The following SNED1 variants were observed in gnomAD, a reference collection of about 807,000 sequenced individuals.
The protein encoded by SNED1 is sushi, nidogen and EGF like domains 1.
Under a neutral mutation model 166.7 loss-of-function variants are expected in SNED1, and 81 were observed. The observed-to-expected ratio is 0.49, with a 90% confidence interval of 0.41 to 0.58. The LOEUF is 0.58. Ranked by LOEUF, SNED1 falls within the 20% of genes least tolerant of loss-of-function variation. SNED1 has a pLI of 0.00. For missense variants in SNED1, 1,604 were observed against 2,000.2 expected (o/e 0.80, Z 3.78); for synonymous variants, 762 against 822.0 (o/e 0.93, Z 1.25).
chr2:241,061,722 T>C (rs1422774208), intron 16 of SNED1, among the ~76,000 whole-genome samples: 1 of 151,720 alleles, frequency 6.6e-6, no homozygotes, highest in African/African-American at 2.4e-5. Flanking sequence ...CCATCTCTAC[T>C]AAAAATACAA....
intron 1 of SNED1, among the ~76,000 whole-genome samples, chr2:241,024,862 C>T (rs2060905225): frequency 6.6e-6 from 1 of 151,874 alleles, no homozygotes; most frequent in African/African-American, 2.4e-5. Flanking sequence ...TTAGTAGAGA[C>T]TGGGTTTCAC....
chr2:241,040,221 T>C, intron 7 of SNED1, 33 bp downstream of exon 7: 1 of 1,571,752 alleles, frequency 6.4e-7, no homozygotes, highest in Non-Finnish European at 8.6e-7. Context: ...GGAGAGGGGC[T>C]CCTGCCCGTG....
chr2:241,092,075 C>A lies in SNED1; in HGVS notation c.*439C>A, dbSNP rs1318490537. 5 of 152,326 alleles carry A rather than the reference C, an allele frequency of 3.3e-5. No individual in the cohort carries two copies. The highest frequency in any genetic ancestry group is 3.3e-4 in the Admixed American group (5 of 15,288). 9.4% of individuals were successfully genotyped at this position (152,326 alleles called of 1,614,324 possible). A position where few individuals can be genotyped will look rare whatever the true frequency, so the allele number is the denominator to read the frequency against. On this transcript the variant is annotated 3_prime_UTR_variant, in exon 32 of 32. Coordinates refer to ENST00000310397, the MANE Select transcript of SNED1 (RefSeq NM_001080437.3). This position sits in a 1 kb window ranked among gnomAD's most constrained non-coding sequence, Gnocchi z 4.6. ...CGAGGCCCAACAAATTGAGAAGGAACTGTGATGGACCACTTCCAAAACAGA... is the reference window on the plus strand; with the variant it reads ...CGAGGCCCAACAAATTGAGAAGGAAATGTGATGGACCACTTCCAAAACAGA...
chr2:241,012,898 T>C (rs2060460063), intron 1 of SNED1, among the ~76,000 whole-genome samples: 1 of 151,088 alleles, frequency 6.6e-6, no homozygotes, highest in African/African-American at 2.4e-5. Flanking sequence ...TGCAGTGACG[T>C]GATCTCAGCT....
chr2:241,056,580 A>ATTTTTTTTTTTTTTTTTTTTTTT (rs1172411061), intron 16 of SNED1, among the ~76,000 whole-genome samples: 1 of 111,224 alleles, frequency 9.0e-6, no homozygotes, highest in Non-Finnish European at 1.7e-5. Context: ...AATAAGTGAA[A>ATTTTTTTTTTTTTTTTTTTTTTT]TTTTTTTTTT....
chr2:241,060,471 C>G (rs1183070665), intron 16 of SNED1, among the ~76,000 whole-genome samples: 1 of 152,178 alleles, frequency 6.6e-6, no homozygotes, highest in African/African-American at 2.4e-5. Context: ...CGCGAGCCAC[C>G]ATGCCCGTCC....
rs1405872136 is a variant in SNED1 at position 241,075,025 on chromosome 2, T to C, written c.3916+1661T>C. 6.6e-6 allele frequency: 1 copy of C among 152,246 alleles called. No homozygotes were observed. The highest frequency in any genetic ancestry group is 1.5e-5 in the Non-Finnish European group (1 of 68,044). The allele number at this position is 152,246 out of a possible 1,614,324, so 9.4% of individuals were successfully genotyped here. A position where few individuals can be genotyped will look rare whatever the true frequency, so the allele number is the denominator to read the frequency against. ...TAATTATCTTGCCATGTGTGATCGT[T>C]AGACCTGTGTTTTCACTCCGCATTC... On this transcript the variant is annotated intron_variant, in intron 27 of 31. Coordinates refer to ENST00000310397, the MANE Select transcript of SNED1 (RefSeq NM_001080437.3). The surrounding 1 kb of genome is among the most constrained non-coding windows in gnomAD (Gnocchi z 4.8).
Position 241,040,181 on chromosome 2 carries a change from C to T in SNED1, c.1152C>T (p.Cys384=), listed in dbSNP as rs199817803. 87 of 1,594,804 alleles carry T rather than the reference C, an allele frequency of 5.5e-5. No homozygotes were observed. Among genetic ancestry groups the T allele is most frequent in the Admixed American group, 1.9e-4 (11 of 57,342 alleles). The change falls in exon 7 of 32, where the codon TGC becomes TGT. Residue 384 remains cysteine, a synonymous_variant. Transcript: ENST00000310397. The part of the protein sequence containing the change: ...VCQAGYTGAA[C]EMDVDDCSPD... Reference sequence around the variant, plus strand: ...AGGCCGGATACACCGGAGCAGCCTGCGAGATGGGTGAGTGGCCTGGCTTCG... The same window carrying T: ...AGGCCGGATACACCGGAGCAGCCTGTGAGATGGGTGAGTGGCCTGGCTTCG...
chr2:241,066,845 C>T (rs1300208590), intron 21 of SNED1, among the ~76,000 whole-genome samples: 2 of 152,192 alleles, frequency 1.3e-5, no homozygotes, highest in Non-Finnish European at 2.9e-5. Context: ...AGAAGGCATT[C>T]AAGGCAGCTT....
chr2:241,087,314 G>C, intron 29 of SNED1, 78 bp from the exon 30 acceptor site: 1 of 1,381,168 alleles, frequency 7.2e-7, no homozygotes, highest in South Asian at 1.4e-5. Flanking sequence ...TTTACTGTGG[G>C]TTCACATAGC....
chr2:241,028,478 T>G (rs1396174941), intron 1 of SNED1, among the ~76,000 whole-genome samples: 1 of 152,224 alleles, frequency 6.6e-6, no homozygotes, highest in Admixed American at 6.5e-5. Flanking sequence ...TGGTGTTAGG[T>G]AAGGGCCCAA....
At chr2:241,072,922 T>G (rs1393794795) in intron 26 of SNED1, 12 of 319,584 alleles carry the variant, frequency 3.8e-5, no homozygotes, top group South Asian at 7.6e-5. Flanking sequence ...GAAGCAGGGG[T>G]GGAAGGAGAG....
chr2:241,049,766 C>G (rs867098110), intron 11 of SNED1, 51 bp from the exon 12 acceptor site: 22 of 1,449,186 alleles, frequency 1.5e-5, no homozygotes, highest in Non-Finnish European at 2.0e-5. Context: ...TCTTGCCGCC[C>G]GCACAGATGC....
At position 240,998,798 on chromosome 2, in the gene SNED1, C is replaced by G. The variant is rs936435095; in HGVS notation, c.-40C>G. ...GCGCGCAGCCTAGTCCCCCAGCGCCCTGCTCCGCCAGCGCCCCGTCCCGCC... is the reference window on the plus strand; with the variant it reads ...GCGCGCAGCCTAGTCCCCCAGCGCCGTGCTCCGCCAGCGCCCCGTCCCGCC... On this transcript the variant is annotated 5_prime_UTR_variant, in exon 1 of 32. Transcript: ENST00000310397. 3 of 1,085,150 alleles carry G rather than the reference C, an allele frequency of 2.8e-6. No homozygotes were observed. In the African/African-American group the frequency reaches 5.1e-5, roughly 18 times the overall value. 67.2% of individuals were successfully genotyped at this position (1,085,150 alleles called of 1,614,324 possible).
At chr2:241,086,713 T>A (rs2063598992) in intron 29 of SNED1, among the ~76,000 whole-genome samples, 1 of 152,244 alleles carries the variant, frequency 6.6e-6, no homozygotes, top group Non-Finnish European at 1.5e-5. Flanking sequence ...CTATGAGACT[T>A]AGCATATGAG....
At chr2:241,053,860 G>A (rs2061957503) in intron 16 of SNED1, among the ~76,000 whole-genome samples, 2 of 152,308 alleles carry the variant, frequency 1.3e-5, no homozygotes, top group Admixed American at 1.3e-4. Context: ...TGGAGAAGTA[G>A]GGCCATTAAC....
At chr2:241,077,804 G>T (rs551668716) in intron 27 of SNED1, among the ~76,000 whole-genome samples, 87 of 152,298 alleles carry the variant, frequency 5.7e-4, no homozygotes, top group African/African-American at 2.0e-3. Context: ...AGGATGGCGG[G>T]AATTAAAAAG....
chr2:241,012,888 T>C (rs951338346), intron 1 of SNED1, among the ~76,000 whole-genome samples: 1 of 150,132 alleles, frequency 6.7e-6, no homozygotes, highest in African/African-American at 2.5e-5. Context: ...CAGGCTGGAG[T>C]GCAGTGACGT....
At chr2:241,030,599 G>A (rs1574927257) in intron 2 of SNED1, 28 bp downstream of exon 2, 1 of 1,607,772 alleles carries the variant, frequency 6.2e-7, no homozygotes, top group South Asian at 1.1e-5. Context: ...TCCTGGGGAG[G>A]GTGGGTGTGT....
Sources: gnomAD v4.1 joint callset for allele counts (sites outside exome capture counted in the v4.1 genomes callset) on GRCh38, gnomAD v4.1.1 for gene constraint, Gnocchi (gnomAD v3.1) non-coding constraint, MANE v1.5 for transcripts, NCBI Gene and HGNC (gene_info 2026-07-23, HGNC 2026-07-21) for gene names.